The following LAMA4 variants were observed in gnomAD, a reference collection of about 807,000 sequenced individuals.
LAMA4 encodes the protein laminin subunit alpha 4.
A neutral mutation model predicts 207.1 loss-of-function variants in LAMA4; 127 were observed. That is an observed-to-expected ratio of 0.61 (90% CI 0.53 to 0.71). The LOEUF (loss-of-function observed/expected upper bound fraction) is 0.71, where lower values mean the gene tolerates loss of function less well. LAMA4 is among the 30% of genes least tolerant of loss of function. The pLI is 0.00. For missense variants in LAMA4, 2,093 were observed against 2,246.5 expected, an observed-to-expected ratio of 0.93 and a Z score of 1.38; for synonymous variants, 761 against 816.0, an observed-to-expected ratio of 0.93 and a Z score of 1.15.
chr6:112,159,669 T>G (rs527518823), intron 13 of LAMA4: 1 of 152,472 alleles, frequency 6.6e-6, no homozygotes, highest in East Asian at 1.9e-4. Flanking sequence ...GATCACTTTA[T>G]TTTCTTTTTT....
chr6:112,243,232 G>A (rs988826161), intron 2 of LAMA4, among the ~76,000 whole-genome samples: 33 of 152,086 alleles, frequency 2.2e-4, no homozygotes, highest in Non-Finnish European at 3.8e-4. Flanking sequence ...AACCTGTGCT[G>A]CAGATCAGCC....
At chr6:112,196,737 T>A (rs1172994413) in intron 5 of LAMA4, among the ~76,000 whole-genome samples, 1 of 152,074 alleles carries the variant, frequency 6.6e-6, no homozygotes, top group Non-Finnish European at 1.5e-5. Context: ...AGATTGGGGG[T>A]AAAACAGGGC....
intron 31 of LAMA4, among the ~76,000 whole-genome samples, chr6:112,123,714 G>A (rs1778512476): frequency 1.3e-5 from 2 of 152,168 alleles, no homozygotes; most frequent in Non-Finnish European, 2.9e-5. Flanking sequence ...TTGGATTTTG[G>A]CAGTGGAGAC....
intron 2 of LAMA4, among the ~76,000 whole-genome samples, chr6:112,241,434 T>G (rs1352131816): frequency 6.6e-6 from 1 of 151,858 alleles, no homozygotes; most frequent in Non-Finnish European, 1.5e-5. Flanking sequence ...ACGGGAAACC[T>G]TTATTAGCTG....
intron 2 of LAMA4, among the ~76,000 whole-genome samples, chr6:112,241,104 T>TATATATATATGAATATATAGGA (rs1562101687): frequency 4.2e-5 from 4 of 96,168 alleles, no homozygotes; most frequent in East Asian, 4.3e-4. Context: ...CATGAATATA[T>TATATATATATGAATATATAGGA]ATATATATAT....
At chr6:112,128,467 G>A (rs1554328361) in intron 31 of LAMA4, among the ~76,000 whole-genome samples, 1 of 152,160 alleles carries the variant, frequency 6.6e-6, no homozygotes, top group African/African-American at 2.4e-5. Context: ...TGGTTAATGT[G>A]TACCAAATTA....
chr6:112,217,120 T>C (rs9487853), intron 2 of LAMA4, among the ~76,000 whole-genome samples: 7,092 of 152,308 alleles, frequency 0.047, 217 homozygotes, highest in East Asian at 0.15. Context: ...TCCCTTATCC[T>C]AGTGATGAGC....
intron 3 of LAMA4, among the ~76,000 whole-genome samples, chr6:112,207,537 C>CCAACCAACCAACCAACCAACCAACCAAA (rs562898394): frequency 6.6e-6 from 1 of 150,998 alleles, no homozygotes; most frequent in African/African-American, 2.5e-5. Context: ...AACCAACCAA[C>CCAACCAACCAACCAACCAACCAACCAAA]CAAACAAACA....
intron 11 of LAMA4, among the ~76,000 whole-genome samples, chr6:112,175,104 G>T (rs1295845817): frequency 1.3e-5 from 2 of 152,018 alleles, no homozygotes; most frequent in Non-Finnish European, 2.9e-5. Context: ...GTTTCTCAGG[G>T]GCTCAGAATT....
chr6:112,116,520 C>T (rs7764311), intron 35 of LAMA4, among the ~76,000 whole-genome samples: 8,201 of 152,108 alleles, frequency 0.054, 716 homozygotes, highest in African/African-American at 0.18. Context: ...CTGTCTTGAT[C>T]GGACCTGTAT....
At chr6:112,211,400 G>A (rs1176719354) in intron 3 of LAMA4, among the ~76,000 whole-genome samples, 2 of 152,122 alleles carry the variant, frequency 1.3e-5, no homozygotes, top group East Asian at 1.9e-4. Context: ...TGCATTTAGG[G>A]TAGCTTGTTA....
At chr6:112,153,744 C>G (rs1347136769) in intron 16 of LAMA4, among the ~76,000 whole-genome samples, 10 of 152,092 alleles carry the variant, frequency 6.6e-5, no homozygotes, top group African/African-American at 2.2e-4. Flanking sequence ...TTCTTCACTA[C>G]TGATATTCTA....
Position 112,141,364 on chromosome 6 carries a change from A to G in LAMA4, c.2807T>C (p.Ile936Thr), listed in dbSNP as rs1554333169. 1 of 1,614,052 alleles carries G rather than the reference A, an allele frequency of 6.2e-7. No individual in the cohort carries two copies. The change falls in exon 21 of 39, where the codon ATT (isoleucine) becomes ACT (threonine). Residue 936 changes from isoleucine to threonine, a missense_variant. Coordinates refer to ENST00000230538, the MANE Select transcript of LAMA4 (RefSeq NM_001105206.3). ...TGTCATGGATTCACTGTACCTTTCA[A>G]TCTTGACAATGCTGAAGTAAGCAGG... is the stretch of plus-strand genomic sequence containing the variant. The part of the protein sequence containing the change: ...SWPAYFSIVK[I>T]ERVGKHGKVF...
At position 112,187,528 on chromosome 6, in the gene LAMA4, G is replaced by A. The variant is rs17073495; in HGVS notation, c.888C>T (p.Ser296=). 8.1e-4 allele frequency: 1,303 copies of A among 1,614,074 alleles called. 9 individuals are homozygous for A. In the African/African-American group the frequency reaches 0.015, roughly 19 times the overall value. ...CCCCAGAGGATACGCTCAGCACCCC[G>A]GATTTGCCTTCCTCGATGGAGAGCG... ...LAALSIEEGK[S]GVLSVSSGAA... is the part of the protein sequence containing the mutation. The change falls in exon 8 of 39, where the codon TCC becomes TCT. Residue 296 remains serine, a synonymous_variant. Transcript: ENST00000230538.
At chr6:112,114,233 G>A (rs781928055) in intron 37 of LAMA4, 38 bp from the exon 38 acceptor site, 3 of 1,600,022 alleles carry the variant, frequency 1.9e-6, no homozygotes, top group Admixed American at 1.7e-5. Context: ...AAGTGGCACT[G>A]GAGTGATGAA....
At chr6:112,154,722 G>A in intron 16 of LAMA4, 129 bp downstream of exon 16, 1 of 719,650 alleles carries the variant, frequency 1.4e-6, no homozygotes, top group South Asian at 1.5e-5. Context: ...CTCTGAGCAG[G>A]AACTACTGAT....
Position 112,216,383 on chromosome 6 carries a change from G to A in LAMA4, c.282C>T (p.Gly94=), listed in dbSNP as rs1554358677. 4 of 1,612,056 alleles carry A rather than the reference G, an allele frequency of 2.5e-6. No homozygotes were observed. Among genetic ancestry groups the A allele is most frequent in the Non-Finnish European group, 3.4e-6 (4 of 1,178,084 alleles). Residue 94 remains glycine, a synonymous_variant, in exon 3 of 39, where the codon GGC becomes GGT. Transcript: ENST00000230538. ...CNGNSNECLD[G]SGYCVHCQRN... is the part of the protein sequence containing the mutation. ...CCCAACTTACCACACAGTATCCTGA[G>A]CCGTCCAAACACTCGTTGGAATTGC...
intron 31 of LAMA4, among the ~76,000 whole-genome samples, chr6:112,127,215 T>G (rs1180342744): frequency 6.6e-6 from 1 of 151,674 alleles, no homozygotes; most frequent in Non-Finnish European, 1.5e-5. Context: ...CAATAAATAA[T>G]AAACATAATA....
In LAMA4 at chr6:112,225,070, T is replaced by C. The variant is rs9400524; in HGVS notation, c.196-8601A>G. 2.4e-3 allele frequency among the ~76,000 whole-genome samples: 361 copies of C among 152,168 alleles called. 13 individuals are homozygous for C. The East Asian group carries it at 0.06, about 25-fold the overall frequency. On this transcript the variant is annotated intron_variant, in intron 2 of 38. Coordinates refer to ENST00000230538, the MANE Select transcript of LAMA4 (RefSeq NM_001105206.3). ...CCTCCTTAGCCCTCTTTTCTATCTA[T>C]ACACTTTTATGTATGGATGAAATTT...
Sources: gnomAD v4.1 joint callset for allele counts (sites outside exome capture counted in the v4.1 genomes callset) on GRCh38, gnomAD v4.1.1 for gene constraint, MANE v1.5 for transcripts, NCBI Gene and HGNC (gene_info 2026-07-23, HGNC 2026-07-21) for gene names.